Variants in SYNE3 observed in about 807,000 individuals in gnomAD.
SYNE3 encodes nesprin-3.
SYNE3 carries 100 observed loss-of-function variants against 111.2 expected under a neutral mutation model. The ratio of observed to expected loss-of-function variants is 0.90; its 90% CI spans 0.77 to 1.06. SYNE3 has a LOEUF of 1.06. Among genes scored for constraint, SYNE3 ranks in the 50% least tolerant of loss-of-function variants. The pLI, the probability that SYNE3 is intolerant of heterozygous loss-of-function variation, is 0.00. For missense variants in SYNE3, 1,160 were observed against 1,240.3 expected (o/e 0.94, Z 0.97); for synonymous variants, 547 against 533.9 (o/e 1.02, Z -0.34).
chr14:95,466,667 C>A (rs1457281951), intron 3 of SYNE3, among the ~76,000 whole-genome samples: 1 of 152,218 alleles, frequency 6.6e-6, no homozygotes, highest in African/African-American at 2.4e-5. Flanking sequence ...CGCTGGCACA[C>A]GCACACCCAC....
intron 17 of SYNE3, among the ~76,000 whole-genome samples, chr14:95,431,231 C>T (rs1449499890): frequency 6.6e-6 from 1 of 152,198 alleles, no homozygotes; most frequent in Admixed American, 6.5e-5. Flanking sequence ...ACCCCAGGCC[C>T]CAGGGAAGTC....
At chr14:95,489,759 T>G (rs1424828960) in intron 1 of SYNE3, among the ~76,000 whole-genome samples, 1 of 151,940 alleles carries the variant, frequency 6.6e-6, no homozygotes, top group Non-Finnish European at 1.5e-5. Flanking sequence ...TATTTTTTTT[T>G]GAAAAGAAAG....
intron 13 of SYNE3, 137 bp from the exon 14 acceptor site, chr14:95,439,299 G>A: frequency 3.1e-6 from 4 of 1,301,370 alleles, no homozygotes; most frequent in Non-Finnish European, 4.3e-6. Flanking sequence ...TGTTCCTGAG[G>A]CATGCTCACA....
rs1022706940 is a variant in SYNE3 at position 95,408,183 on chromosome 14, T to C, written c.*9643A>G. 1 of 151,898 alleles carries C rather than the reference T, an allele frequency of 6.6e-6. No individual in the cohort carries two copies. Among genetic ancestry groups the C allele is most frequent in the African/African-American group, 2.4e-5 (1 of 41,342 alleles). 9.4% of individuals were successfully genotyped at this position (151,898 alleles called of 1,614,324 possible). On this transcript the variant is annotated 3_prime_UTR_variant, in exon 18 of 18. Transcript: ENST00000682763. ...ACATGGGGCCCTCCCATGGGACGGA[T>C]GACAAATGAAACGAAAAAATCCATC...
At position 95,454,111 on chromosome 14, in the gene SYNE3, C is replaced by G. The variant is rs1887261254; in HGVS notation, c.1137+1266G>C. The stretch of plus-strand genomic sequence containing the variant: ...CCCTGAAACAGATGAGGGTCCTGTT[C>G]CCGTCAGCAGAGGGATAACACAAGT... On this transcript the variant is annotated intron_variant, in intron 6 of 17. Transcript: ENST00000682763. 1.3e-5 allele frequency among the ~76,000 whole-genome samples: 2 copies of G among 152,266 alleles called. 1 individual carries two copies. Among genetic ancestry groups the G allele is most frequent in the South Asian group, 4.1e-4 (2 of 4,836 alleles).
intron 4 of SYNE3, among the ~76,000 whole-genome samples, chr14:95,460,375 T>G (rs28376942): frequency 1.0e-4 from 15 of 147,724 alleles, no homozygotes; most frequent in East Asian, 4.0e-4. Context: ...TAGTTTTTTT[T>G]TTTTTTTTTT....
At chr14:95,449,100 A>G (rs1886893041) in intron 8 of SYNE3, among the ~76,000 whole-genome samples, 1 of 152,202 alleles carries the variant, frequency 6.6e-6, no homozygotes, top group Non-Finnish European at 1.5e-5. Context: ...GACAGTATGT[A>G]CAGGCACACT....
At chr14:95,484,259 C>G (rs985826247) in intron 1 of SYNE3, among the ~76,000 whole-genome samples, 1 of 152,048 alleles carries the variant, frequency 6.6e-6, no homozygotes, top group Non-Finnish European at 1.5e-5. Context: ...GGTCCCCAGC[C>G]GTGGTAGGGA....
At chr14:95,511,528 G>A (rs1409329670) in intron 1 of SYNE3, among the ~76,000 whole-genome samples, 1 of 151,938 alleles carries the variant, frequency 6.6e-6, no homozygotes, top group Non-Finnish European at 1.5e-5. Flanking sequence ...GTGAAACCCT[G>A]TCTCTACTAA....
Position 95,443,029 on chromosome 14 carries a change from C to T in SYNE3, c.1911+126G>A. 4 of 1,223,098 alleles carry T rather than the reference C, an allele frequency of 3.3e-6. 1 individual carries two copies. In the South Asian group the frequency reaches 6.2e-5, roughly 19 times the overall value. 75.8% of individuals were successfully genotyped at this position (1,223,098 alleles called of 1,614,324 possible). On this transcript the variant is annotated intron_variant, in intron 11 of 17. Coordinates refer to ENST00000682763, the MANE Select transcript of SYNE3 (RefSeq NM_152592.6). ...TGTATGAATGAGGAAGGGAAGAAAA[C>T]AGGGAGAAAGAAAAAAGAGAGGTTA...
intron 1 of SYNE3, among the ~76,000 whole-genome samples, chr14:95,515,271 T>G (rs1595268908): frequency 6.6e-6 from 1 of 152,194 alleles, no homozygotes; most frequent in South Asian, 2.1e-4. Context: ...CCGAGCACCG[T>G]CCGGCCTGAG....
At chr14:95,478,937 C>T (rs566387961) in intron 1 of SYNE3, among the ~76,000 whole-genome samples, 2 of 152,164 alleles carry the variant, frequency 1.3e-5, no homozygotes, top group Admixed American at 6.5e-5. Flanking sequence ...CCCACCGGCA[C>T]ATGTCTGGGA....
intron 15 of SYNE3, among the ~76,000 whole-genome samples, chr14:95,434,023 G>T (rs1885941771): frequency 6.6e-6 from 1 of 152,038 alleles, no homozygotes; most frequent in Non-Finnish European, 1.5e-5. Flanking sequence ...AAAGCAAGGG[G>T]GTTTAACTTG....
chr14:95,446,002 C>G lies in SYNE3; in HGVS notation c.1539G>C (p.Glu513Asp). ...KDLLIGIFGQERATALLEQVA... is the reference protein window; with the variant it reads ...KDLLIGIFGQDRATALLEQVA... ...CCTGCTCCAGGAGTGCCGTGGCTCT[C>G]TCCTGGCCAAAGATGCCAATCAGGA... is the stretch of plus-strand genomic sequence containing the variant. The change falls in exon 9 of 18, where the codon GAG (glutamate) becomes GAC (aspartate). Residue 513 changes from glutamate (E) to aspartate (D), a missense_variant. By Grantham distance (45) the Glu-to-Asp change is conservative. Transcript: ENST00000682763. The G allele has an allele frequency of 6.2e-7, 1 of 1,614,184 alleles. No individual in the cohort carries two copies. Among genetic ancestry groups the G allele is most frequent in the Non-Finnish European group, 8.5e-7 (1 of 1,180,034 alleles).
At chr14:95,437,997 T>C (rs1477046505) in intron 14 of SYNE3, 1 of 152,240 alleles carries the variant, frequency 6.6e-6, no homozygotes, top group East Asian at 1.9e-4. Flanking sequence ...GAGAGCTTGT[T>C]AGAAATGCAG....
chr14:95,437,951 G>C (rs1369406235), intron 14 of SYNE3: 4 of 152,244 alleles, frequency 2.6e-5, no homozygotes, highest in African/African-American at 4.8e-5. Context: ...TCACAGAGGT[G>C]AGTATCTCCC....
rs1887118455 is a variant in SYNE3, at chr14:95,452,063, C to T, written c.1274+184G>A. 7 of 663,008 alleles carry T rather than the reference C, an allele frequency of 1.1e-5. No homozygotes were observed. The South Asian group carries it at 2.7e-4, about 25-fold the overall frequency. 41.1% of individuals were successfully genotyped at this position (663,008 alleles called of 1,614,324 possible). On this transcript the variant is annotated intron_variant, in intron 7 of 17. Coordinates refer to ENST00000682763, the MANE Select transcript of SYNE3 (RefSeq NM_152592.6). ...TCAGGCCTCTTTCTGGGAGCAAATG[C>T]AAAACAGTCAAAGGGGACAGTGTCT...
At chr14:95,435,940 G>A (rs532103146) in intron 15 of SYNE3, among the ~76,000 whole-genome samples, 62 of 152,316 alleles carry the variant, frequency 4.1e-4, no homozygotes, top group African/African-American at 1.4e-3. Context: ...TACAGCCATA[G>A]TCAAGGCCAA....
At chr14:95,419,194 C>T (rs1195578033) in intron 17 of SYNE3, among the ~76,000 whole-genome samples, 1 of 152,162 alleles carries the variant, frequency 6.6e-6, no homozygotes, top group Non-Finnish European at 1.5e-5. Flanking sequence ...CCCTCATGGT[C>T]AAGATGCTGC....
Sources: gnomAD v4.1 joint callset for allele counts (sites outside exome capture counted in the v4.1 genomes callset) on GRCh38, gnomAD v4.1.1 for gene constraint, MANE v1.5 for transcripts, NCBI Gene and HGNC (gene_info 2026-07-23, HGNC 2026-07-21) for gene names.